Variants in HAUS1 observed in about 807,000 individuals in gnomAD.
HAUS1 encodes HAUS augmin like complex subunit 1, also known as HAUS augmin-like complex subunit 1.
A neutral mutation model predicts 38.6 loss-of-function variants in HAUS1; 25 were observed. The observed-to-expected ratio is 0.65, with a 90% CI of 0.47 to 0.91. The LOEUF is 0.91. Ranked by LOEUF, HAUS1 falls within the 40% of genes least tolerant of loss-of-function variation. The pLI is 0.00. For synonymous variants in HAUS1, 109 were observed against 112.9 expected, an observed-to-expected ratio of 0.97 and a Z score of 0.22; for missense variants, 325 against 328.4, an observed-to-expected ratio of 0.99 and a Z score of 0.08.
chr18:46,125,852 T>C, intron 8 of HAUS1, 61 bp downstream of exon 8: 5 of 1,032,842 alleles, frequency 4.8e-6, no homozygotes, highest in African/African-American at 1.6e-5. Context: ...CTAATATAGC[T>C]AAAGTCTTCT....
chr18:46,105,385 A>G lies in HAUS1; in HGVS notation c.205+17A>G. ...AGTCAGAAGGTGAGATTAAGTCCAG[A>G]GTTTTGAACGAGAATAAATAGAGGT... On this transcript the variant is annotated intron_variant, in intron 2 of 8. Coordinates refer to ENST00000282058, the MANE Select transcript of HAUS1 (RefSeq NM_138443.4). 1.2e-6 allele frequency: 2 copies of G among 1,601,900 alleles called. No individual in the cohort carries two copies. Among genetic ancestry groups the G allele is most frequent in the Non-Finnish European group, 1.7e-6 (2 of 1,172,722 alleles).
At position 46,128,333 on chromosome 18, in the gene HAUS1, A is replaced by G. The variant is rs1912165592; in HGVS notation, c.*208A>G. 1.2e-5 allele frequency: 5 copies of G among 422,112 alleles called. No individual in the cohort carries two copies. Among genetic ancestry groups the G allele is most frequent in the Non-Finnish European group, 2.1e-5 (5 of 232,688 alleles). 26.1% of individuals were successfully genotyped at this position (422,112 alleles called of 1,614,324 possible). On this transcript the variant is annotated 3_prime_UTR_variant, in exon 9 of 9. Coordinates refer to ENST00000282058, the MANE Select transcript of HAUS1 (RefSeq NM_138443.4). ...TTCATATTAAAAAGCCTTTTCTCTT[A>G]CTTTGTTTCTGTGTGGTTGGTGGTT...
chr18:46,119,472 C>T (rs1911880734), intron 3 of HAUS1, among the ~76,000 whole-genome samples: 1 of 150,764 alleles, frequency 6.6e-6, no homozygotes. Flanking sequence ...TTTATACTTA[C>T]ATACTATCAT....
At chr18:46,114,257 G>C (rs1171767046) in intron 2 of HAUS1, among the ~76,000 whole-genome samples, 1 of 152,162 alleles carries the variant, frequency 6.6e-6, no homozygotes, top group South Asian at 2.1e-4. Context: ...TTGCCCTTAG[G>C]CTTGAACCTT....
intron 7 of HAUS1, among the ~76,000 whole-genome samples, chr18:46,125,214 C>T (rs1027330988): frequency 2.0e-5 from 3 of 151,384 alleles, no homozygotes; most frequent in Admixed American, 6.6e-5. Context: ...GAGCTAAGAT[C>T]GTGCCACCAC....
chr18:46,128,208 T>C lies in HAUS1; in HGVS notation c.*83T>C. 1 of 756,450 alleles carries C rather than the reference T, an allele frequency of 1.3e-6. No homozygotes were observed. The highest frequency in any genetic ancestry group is 2.1e-6 in the Non-Finnish European group (1 of 472,862). 46.9% of individuals were successfully genotyped at this position (756,450 alleles called of 1,614,324 possible). ...AGTTCTTTTTCCTCTTGGCATTTCC[T>C]AATAACAAAACTTTCTGTGTTCTTA... On this transcript the variant is annotated 3_prime_UTR_variant, in exon 9 of 9. Coordinates refer to ENST00000282058, the MANE Select transcript of HAUS1 (RefSeq NM_138443.4).
intron 4 of HAUS1, among the ~76,000 whole-genome samples, chr18:46,121,256 C>G (rs890776110): frequency 6.6e-6 from 1 of 152,106 alleles, no homozygotes; most frequent in Non-Finnish European, 1.5e-5. Context: ...ATGGCGCGAT[C>G]TCAGCTCACT....
rs1257737332 is a variant in HAUS1, at chr18:46,118,293, A to G, written c.318A>G (p.Glu106=). Residue 106 remains glutamate, a synonymous_variant, in exon 3 of 9, where the codon GAA becomes GAG. Transcript: ENST00000282058. ...TGGTTGACAGTGCGGTGGCCCTTGA[A>G]ACAAAGGATACCTCGCTAGCTAGGT... is the stretch of plus-strand genomic sequence containing the variant. ...NALVDSAVAL[E]TKDTSLASFI... is the part of the protein sequence containing the mutation. The G allele has an allele frequency of 3.1e-6, 5 of 1,613,478 alleles. No individual in the cohort carries two copies. In the African/African-American group the frequency reaches 5.3e-5, roughly 17 times the overall value.
In HAUS1 at chr18:46,122,305, T is replaced by TA. The variant is rs34707743; in HGVS notation, c.477-148dup. ...GGTGACAGACCAAGACCTCATCTCT[T>TA]AAAAAAAAAAAAAACCCAGAGTGCA... On this transcript the variant is annotated intron_variant, in intron 4 of 8. Transcript: ENST00000282058. Among the ~76,000 whole-genome samples, 309 of 140,272 alleles carry TA rather than the reference T, an allele frequency of 2.2e-3. 1 individual carries two copies. The highest frequency in any genetic ancestry group is 6.8e-3 in the Admixed American group (95 of 13,990). 92.0% of individuals were successfully genotyped at this position (140,272 alleles called of 152,430 possible). A position where few individuals can be genotyped will look rare whatever the true frequency, so the allele number is the denominator to read the frequency against.
At chr18:46,118,893 A>T (rs1362299869) in intron 3 of HAUS1, among the ~76,000 whole-genome samples, 1 of 152,096 alleles carries the variant, frequency 6.6e-6, no homozygotes, top group Non-Finnish European at 1.5e-5. Flanking sequence ...TTTGAGACAG[A>T]GTCTCATTCT....
Position 46,118,328 on chromosome 18 carries a change from G to T in HAUS1, c.341+12G>T, listed in dbSNP as rs200629456. ...ACCTCGCTAGCTAGGTAATTCTTAT[G>T]ACAGTTTTAATTTCCGCAATCATAT... On this transcript the variant is annotated intron_variant, in intron 3 of 8. Transcript: ENST00000282058. The T allele has an allele frequency of 3.5e-3, 5,582 of 1,612,856 alleles. 10 individuals are homozygous for T. Among genetic ancestry groups the T allele is most frequent in the Non-Finnish European group, 4.4e-3 (5,209 of 1,179,370 alleles).
intron 4 of HAUS1, among the ~76,000 whole-genome samples, chr18:46,120,487 G>A (rs940255475): frequency 6.6e-5 from 10 of 152,110 alleles, no homozygotes; most frequent in African/African-American, 2.4e-4. Context: ...GCCCGCCTCG[G>A]CCTCCCAAAG....
intron 2 of HAUS1, among the ~76,000 whole-genome samples, chr18:46,111,162 C>T (rs1911624623): frequency 6.6e-6 from 1 of 152,032 alleles, no homozygotes; most frequent in African/African-American, 2.4e-5. Flanking sequence ...GCCAATGCAC[C>T]CGGCCTCAAG....
chr18:46,115,683 G>T lies in HAUS1; in HGVS notation c.206-2498G>T, dbSNP rs1911779910. ...CCTAAAATGCATAGAAGGCAACAAA[G>T]GTATATACCCTTGTAACCTTGGATT... On this transcript the variant is annotated intron_variant, in intron 2 of 8. Coordinates refer to ENST00000282058, the MANE Select transcript of HAUS1 (RefSeq NM_138443.4). Among the ~76,000 whole-genome samples the T allele has an allele frequency of 1.3e-5, 2 of 151,972 alleles. 1 individual carries two copies. Among genetic ancestry groups the T allele is most frequent in the South Asian group, 4.2e-4 (2 of 4,816 alleles).
At chr18:46,115,993 C>T (rs1008202851) in intron 2 of HAUS1, among the ~76,000 whole-genome samples, 5 of 152,050 alleles carry the variant, frequency 3.3e-5, no homozygotes, top group African/African-American at 1.2e-4. Context: ...GTAATCCCAT[C>T]TACTTGGGAG....
chr18:46,117,870 C>CG (rs1349379618), intron 2 of HAUS1, among the ~76,000 whole-genome samples: 3 of 151,650 alleles, frequency 2.0e-5, no homozygotes, highest in African/African-American at 7.3e-5. Flanking sequence ...CACTGGAACC[C>CG]GGGGGGTGGA....
At chr18:46,114,001 T>G (rs955315180) in intron 2 of HAUS1, among the ~76,000 whole-genome samples, 6 of 152,212 alleles carry the variant, frequency 3.9e-5, no homozygotes, top group African/African-American at 1.4e-4. Flanking sequence ...CACACCTGAC[T>G]GTAAAATTCC....
intron 6 of HAUS1, among the ~76,000 whole-genome samples, chr18:46,124,203 A>C (rs781530492): frequency 2.6e-5 from 4 of 152,120 alleles, no homozygotes; most frequent in Admixed American, 6.6e-5. Context: ...TAAGCCCAAG[A>C]GTTTGAGACC....
At chr18:46,104,627 C>T (rs991370159) in intron 1 of HAUS1, among the ~76,000 whole-genome samples, 186 bp downstream of exon 1, 6 of 152,168 alleles carry the variant, frequency 3.9e-5, no homozygotes, top group African/African-American at 1.4e-4. Flanking sequence ...AAGGCCTTTC[C>T]CTTCCTGCCC....
Sources: allele counts gnomAD v4.1 joint callset (sites outside exome capture counted in the v4.1 genomes callset), GRCh38; gene constraint gnomAD v4.1.1; transcripts MANE v1.5; gene names NCBI Gene and HGNC (gene_info 2026-07-23, HGNC 2026-07-21).